The following GRXCR1 variants were observed in gnomAD, a reference collection of about 807,000 sequenced individuals.
The protein encoded by GRXCR1 is glutaredoxin domain-containing cysteine-rich protein 1.
GRXCR1 carries 27 observed loss-of-function variants against 27.3 expected under a neutral mutation model. The ratio of observed to expected loss-of-function variants is 0.99; its 90% CI spans 0.73 to 1.37. The LOEUF is 1.37. Among genes scored for constraint, GRXCR1 ranks in the 40% most tolerant of loss-of-function variants. The pLI is 0.00. For missense variants in GRXCR1, 379 were observed against 354.4 expected, an observed-to-expected ratio of 1.07 and a Z score of -0.56; for synonymous variants, 122 against 131.1, an observed-to-expected ratio of 0.93 and a Z score of 0.47.
In GRXCR1 at chr4:42,935,145, A is replaced by T. The variant is rs147604037; in HGVS notation, c.385-27747A>T. ...TGTTAAACATTACATTTTATAGGTT[A>T]CATATAAGTGAAAGACATATTTTCT... On this transcript the variant is annotated intron_variant, in intron 1 of 3. Transcript: ENST00000399770. 8.2e-4 allele frequency among the ~76,000 whole-genome samples: 124 copies of T among 152,140 alleles called. 1 individual carries two copies. Among genetic ancestry groups the T allele is most frequent in the African/African-American group, 2.9e-3 (121 of 41,556 alleles).
intron 1 of GRXCR1, among the ~76,000 whole-genome samples, chr4:42,932,223 C>T (rs557832582): frequency 5.3e-5 from 8 of 151,892 alleles, no homozygotes; most frequent in African/African-American, 1.4e-4. Flanking sequence ...ACCAACATCT[C>T]GCTGCCCTCC....
At chr4:42,943,455 C>T (rs945159116) in intron 1 of GRXCR1, among the ~76,000 whole-genome samples, 1 of 152,004 alleles carries the variant, frequency 6.6e-6, no homozygotes, top group Non-Finnish European at 1.5e-5. Flanking sequence ...GAAGTACTTG[C>T]TAACGAATAA....
chr4:42,971,089 T>C (rs1452062430), intron 2 of GRXCR1, among the ~76,000 whole-genome samples: 3 of 152,092 alleles, frequency 2.0e-5, no homozygotes, highest in African/African-American at 7.2e-5. Flanking sequence ...ATGCCACCAG[T>C]CTCTTTGCTA....
intron 1 of GRXCR1, among the ~76,000 whole-genome samples, chr4:42,895,498 T>A (rs1231753232): frequency 2.6e-5 from 4 of 152,146 alleles, no homozygotes; most frequent in South Asian, 2.1e-4. Flanking sequence ...TTTAGTTTCA[T>A]TGTCATCAGC....
chr4:43,018,304 G>T (rs960948317), intron 2 of GRXCR1, among the ~76,000 whole-genome samples: 1 of 152,138 alleles, frequency 6.6e-6, no homozygotes, highest in East Asian at 1.9e-4. Flanking sequence ...AGGGAAGTAG[G>T]TATTCAGCTG....
intron 2 of GRXCR1, among the ~76,000 whole-genome samples, chr4:43,009,661 C>T (rs1391467158): frequency 6.6e-6 from 1 of 152,094 alleles, no homozygotes; most frequent in Non-Finnish European, 1.5e-5. Context: ...TGTGTCATCA[C>T]ATGGTAGAAG....
intron 1 of GRXCR1, among the ~76,000 whole-genome samples, chr4:42,939,919 C>G (rs765096310): frequency 6.6e-6 from 1 of 151,946 alleles, no homozygotes; most frequent in African/African-American, 2.4e-5. Flanking sequence ...GTCCTGTTAT[C>G]TATTTTTTCC....
intron 1 of GRXCR1, among the ~76,000 whole-genome samples, chr4:42,954,608 G>T (rs1577919359): frequency 1.3e-5 from 2 of 152,020 alleles, no homozygotes; most frequent in East Asian, 3.9e-4. Context: ...AGTTCCTTTT[G>T]CAGTCTCTAG....
intron 1 of GRXCR1, among the ~76,000 whole-genome samples, chr4:42,907,605 A>G (rs1419752179): frequency 1.3e-5 from 2 of 152,156 alleles, no homozygotes; most frequent in African/African-American, 4.8e-5. Flanking sequence ...ATGAATACCA[A>G]GAGAGGCCCT....
In GRXCR1 at chr4:42,987,217, ATATATT is replaced by A. The variant is rs1560676685; in HGVS notation, c.627+24084_627+24089del. 2.7e-4 allele frequency among the ~76,000 whole-genome samples: 7 copies of A among 26,002 alleles called. No homozygotes were observed. In the East Asian group the frequency reaches 0.015, roughly 56 times the overall value. The allele number at this position is 26,002 out of a possible 152,430, so 17.1% of individuals were successfully genotyped here. On this transcript the variant is annotated intron_variant, in intron 2 of 3. Coordinates refer to ENST00000399770, the MANE Select transcript of GRXCR1 (RefSeq NM_001080476.3). ...CATAGTTTTCATATATATATTATATATATATTATATATTATATATATATAATATATA... is the reference window on the plus strand; with the variant it reads ...CATAGTTTTCATATATATATTATATAATATATTATATATATATAATATATA...
rs564211900 is a variant in GRXCR1, at chr4:42,942,527, C to A, written c.385-20365C>A. On this transcript the variant is annotated intron_variant, in intron 1 of 3. Transcript: ENST00000399770. Reference sequence around the variant, plus strand: ...GAATGTTTGGTTACTCTCTATGGGGCACAAATAAAATATGCAGTTTGAAAA... The same window carrying A: ...GAATGTTTGGTTACTCTCTATGGGGAACAAATAAAATATGCAGTTTGAAAA... Among the ~76,000 whole-genome samples, 12 of 152,128 alleles carry A rather than the reference C, an allele frequency of 7.9e-5. No individual in the cohort carries two copies. The South Asian group carries it at 2.5e-3, about 32-fold the overall frequency.
chr4:42,926,077 G>A lies in GRXCR1; in HGVS notation c.384+32427G>A, dbSNP rs370150915. On this transcript the variant is annotated intron_variant, in intron 1 of 3. Transcript: ENST00000399770. ...CGACTTTTTCCACTTGAAGATACTC[G>A]ACTAATATGTTTCCTGCTAGCTGTC... Among the ~76,000 whole-genome samples, 11 of 152,006 alleles carry A rather than the reference G, an allele frequency of 7.2e-5. No homozygotes were observed. In the East Asian group the frequency reaches 1.6e-3, roughly 21 times the overall value.
chr4:42,920,964 A>C (rs1387235358), intron 1 of GRXCR1, among the ~76,000 whole-genome samples: 1 of 152,084 alleles, frequency 6.6e-6, no homozygotes, highest in Non-Finnish European at 1.5e-5. Context: ...TCTATTACAG[A>C]AAACAAATTC....
At chr4:42,896,961 GA>G (rs144444818) in intron 1 of GRXCR1, among the ~76,000 whole-genome samples, 5,530 of 152,120 alleles carry the variant, frequency 0.036, 141 homozygotes, top group South Asian at 0.1. Context: ...ATCTTACCAG[GA>G]CACTCTGATG....
chr4:42,926,630 TG>T (rs111384493), intron 1 of GRXCR1, among the ~76,000 whole-genome samples: 2,633 of 151,950 alleles, frequency 0.017, 60 homozygotes, highest in East Asian at 0.11. Flanking sequence ...TATTTCACAT[TG>T]TTTTTTTTTT....
chr4:43,012,976 G>A lies in GRXCR1; in HGVS notation c.628-7378G>A, dbSNP rs985038792. Among the ~76,000 whole-genome samples the A allele has an allele frequency of 2.6e-5, 4 of 152,198 alleles. No individual in the cohort carries two copies. In the South Asian group the frequency reaches 8.3e-4, roughly 32 times the overall value. The stretch of plus-strand genomic sequence containing the variant: ...ACATCACTAATTATCAGAGCACAAT[G>A]AGATAACATCTCACAGTCAGAATGG... On this transcript the variant is annotated intron_variant, in intron 2 of 3. Transcript: ENST00000399770.
chr4:42,934,184 G>C (rs1253631220), intron 1 of GRXCR1, among the ~76,000 whole-genome samples: 1 of 151,144 alleles, frequency 6.6e-6, no homozygotes, highest in Non-Finnish European at 1.5e-5. Context: ...GAAAACATAA[G>C]TTTTGTGTTG....
intron 1 of GRXCR1, among the ~76,000 whole-genome samples, chr4:42,919,577 G>A (rs1483334751): frequency 6.6e-6 from 1 of 152,108 alleles, no homozygotes; most frequent in African/African-American, 2.4e-5. Context: ...TGCCTTCAGA[G>A]TTGAGGGCTC....
chr4:43,010,243 A>G (rs1712703291), intron 2 of GRXCR1, among the ~76,000 whole-genome samples: 1 of 152,054 alleles, frequency 6.6e-6, no homozygotes, highest in East Asian at 1.9e-4. Context: ...CTCTACTAAA[A>G]ATACAAAAAC....
Sources: allele counts gnomAD v4.1 joint callset (sites outside exome capture counted in the v4.1 genomes callset), GRCh38; gene constraint gnomAD v4.1.1; transcripts MANE v1.5; gene names NCBI Gene and HGNC (gene_info 2026-07-23, HGNC 2026-07-21).